CNTN5: variants seen among roughly 807,000 people sequenced by gnomAD.
CNTN5 encodes contactin-5.
Under a neutral mutation model 129.1 loss-of-function variants are expected in CNTN5, and 77 were observed. That is an observed-to-expected ratio of 0.60 (90% CI 0.50 to 0.72). The LOEUF is 0.72. Among genes scored for constraint, CNTN5 ranks in the 30% least tolerant of loss-of-function variants. The probability of loss-of-function intolerance (pLI) is 0.00; values close to 1 mark genes in which losing one functional copy is unlikely to be tolerated. For synonymous variants in CNTN5, 509 were observed against 465.6 expected (o/e 1.09, Z -1.20); for missense variants, 1,478 against 1,328.8 (o/e 1.11, Z -1.75).
chr11:99,915,462 A>T (rs781161854), intron 6 of CNTN5, among the ~76,000 whole-genome samples: 3 of 152,158 alleles, frequency 2.0e-5, no homozygotes, highest in Non-Finnish European at 2.9e-5. Flanking sequence ...ATCAAAATGG[A>T]TGAGAGTAGT....
intron 2 of CNTN5, among the ~76,000 whole-genome samples, chr11:99,395,734 G>A (rs1941487471): frequency 6.6e-6 from 1 of 151,850 alleles, no homozygotes; most frequent in African/African-American, 2.4e-5. Flanking sequence ...ATGTAAGGAA[G>A]GGGTCCAGCT....
intron 2 of CNTN5, among the ~76,000 whole-genome samples, chr11:99,384,117 G>T (rs1295942093): frequency 6.6e-6 from 1 of 152,096 alleles, no homozygotes. Context: ...TCCATCAAGG[G>T]AAAATGATCC....
chr11:100,280,222 GTTTC>G (rs1950606342), intron 18 of CNTN5, among the ~76,000 whole-genome samples: 1 of 151,850 alleles, frequency 6.6e-6, no homozygotes, highest in African/African-American at 2.4e-5. Context: ...TAAATCCAGT[GTTTC>G]TTTGTTGATT....
At chr11:99,101,252 G>A (rs1350618519) in intron 1 of CNTN5, among the ~76,000 whole-genome samples, 1 of 151,858 alleles carries the variant, frequency 6.6e-6, no homozygotes, top group African/African-American at 2.4e-5. Context: ...ACAACACATG[G>A]AAATTATGGG....
chr11:99,788,055 A>G (rs573537152), intron 3 of CNTN5, among the ~76,000 whole-genome samples: 8 of 151,850 alleles, frequency 5.3e-5, no homozygotes, highest in Non-Finnish European at 1.2e-4. Context: ...GGCACCCCTC[A>G]CATTCATGAT....
intron 3 of CNTN5, among the ~76,000 whole-genome samples, chr11:99,636,821 C>G (rs530728393): frequency 6.6e-6 from 1 of 151,134 alleles, no homozygotes; most frequent in African/African-American, 2.4e-5. Context: ...CAGGACGATC[C>G]TGGCCAACAT....
chr11:99,380,745 G>A (rs1157608355), intron 2 of CNTN5, among the ~76,000 whole-genome samples: 1 of 102,632 alleles, frequency 9.7e-6, no homozygotes, highest in Non-Finnish European at 1.8e-5. Context: ...TCCAGCCTGG[G>A]CAACAAGACT....
chr11:100,287,455 A>G lies in CNTN5; in HGVS notation c.2315-10170A>G, dbSNP rs543052365. 9.6e-4 allele frequency among the ~76,000 whole-genome samples: 146 copies of G among 151,432 alleles called. 5 individuals carry two copies. The East Asian group carries it at 0.013, about 13-fold the overall frequency. On this transcript the variant is annotated intron_variant, in intron 18 of 24. Coordinates refer to ENST00000524871, the MANE Select transcript of CNTN5 (RefSeq NM_014361.4). ...AGAAGAGAGTGGGGGCCAATATTCA[A>G]CATTCTTAAAGGAAAGAATTTTCAA... is the stretch of plus-strand genomic sequence containing the variant.
intron 3 of CNTN5, among the ~76,000 whole-genome samples, chr11:99,594,517 A>T (rs981254269): frequency 6.6e-6 from 1 of 152,202 alleles, no homozygotes. Flanking sequence ...CCTGTACTTT[A>T]GGAACAGGTA....
chr11:100,036,052 T>C (rs1427654600), intron 9 of CNTN5, among the ~76,000 whole-genome samples: 1 of 152,202 alleles, frequency 6.6e-6, no homozygotes, highest in East Asian at 1.9e-4. Flanking sequence ...CATGCCTATG[T>C]CATGAATGGT....
At chr11:99,664,513 C>A (rs1396932609) in intron 3 of CNTN5, among the ~76,000 whole-genome samples, 1 of 152,140 alleles carries the variant, frequency 6.6e-6, no homozygotes, top group African/African-American at 2.4e-5. Context: ...TTCAGTAATT[C>A]TTGTTCTAGA....
intron 1 of CNTN5, among the ~76,000 whole-genome samples, chr11:99,091,406 T>C (rs527772386): frequency 6.6e-6 from 1 of 152,262 alleles, no homozygotes; most frequent in Non-Finnish European, 1.5e-5. Flanking sequence ...AACCAAATGA[T>C]AAAGTTGTTG....
At chr11:99,380,786 A>AAG (rs200186328) in intron 2 of CNTN5, among the ~76,000 whole-genome samples, 1 of 144,592 alleles carries the variant, frequency 6.9e-6, no homozygotes. Context: ...AAAAAAAAAA[A>AAG]GAAAAGAAAA....
intron 3 of CNTN5, among the ~76,000 whole-genome samples, chr11:99,563,815 C>A (rs1260158621): frequency 6.6e-6 from 1 of 152,102 alleles, no homozygotes; most frequent in Non-Finnish European, 1.5e-5. Context: ...CAGGAAGAAA[C>A]AGGAAAATCC....
At chr11:99,810,293 G>C (rs1946392011) in intron 3 of CNTN5, among the ~76,000 whole-genome samples, 1 of 152,100 alleles carries the variant, frequency 6.6e-6, no homozygotes, top group African/African-American at 2.4e-5. Context: ...GCATACCTGA[G>C]TATCAGTTGT....
intron 3 of CNTN5, among the ~76,000 whole-genome samples, chr11:99,764,370 A>G (rs1312165852): frequency 1.3e-5 from 2 of 151,732 alleles, no homozygotes; most frequent in African/African-American, 4.8e-5. Flanking sequence ...CCACATTAAA[A>G]AAAAATAAAG....
At chr11:99,637,146 A>C (rs1951593725) in intron 3 of CNTN5, among the ~76,000 whole-genome samples, 1 of 151,464 alleles carries the variant, frequency 6.6e-6, no homozygotes, top group South Asian at 2.1e-4. Context: ...AATAATCATT[A>C]AAATGTAATT....
intron 2 of CNTN5, among the ~76,000 whole-genome samples, chr11:99,421,818 T>A (rs887521191): frequency 6.6e-6 from 1 of 152,136 alleles, no homozygotes; most frequent in Non-Finnish European, 1.5e-5. Context: ...TCACTGCCTA[T>A]TAACTTTGCC....
chr11:100,056,281 C>A (rs1591147734), intron 9 of CNTN5, among the ~76,000 whole-genome samples: 1 of 151,536 alleles, frequency 6.6e-6, no homozygotes, highest in East Asian at 1.9e-4. Flanking sequence ...TGAATAAGAA[C>A]AATTTAATAA....
Sources: allele counts gnomAD v4.1 joint callset (sites outside exome capture counted in the v4.1 genomes callset), GRCh38; gene constraint gnomAD v4.1.1; transcripts MANE v1.5; gene names NCBI Gene and HGNC (gene_info 2026-07-23, HGNC 2026-07-21).